Variants in LEMD2 observed in about 807,000 individuals in gnomAD.
LEMD2 encodes LEM domain-containing protein 2.
Under a neutral mutation model 58.8 loss-of-function variants are expected in LEMD2, and 34 were observed. The ratio of observed to expected loss-of-function variants is 0.58; its 90% confidence interval spans 0.44 to 0.77. The LOEUF (loss-of-function observed/expected upper bound fraction) is 0.77, where lower values mean the gene tolerates loss of function less well. LEMD2 is among the 30% of genes least tolerant of loss of function. The pLI, the probability that LEMD2 is intolerant of heterozygous loss-of-function variation, is 0.00. For missense variants in LEMD2, 629 were observed against 717.9 expected (o/e 0.88, Z 1.42); for synonymous variants, 298 against 308.9 (o/e 0.96, Z 0.37).
intron 8 of LEMD2, 80 bp downstream of exon 8, chr6:33,776,874 G>T: frequency 1.7e-6 from 2 of 1,150,696 alleles, no homozygotes; most frequent in Non-Finnish European, 2.6e-6. Flanking sequence ...CTGATGCAAG[G>T]CTCTGGGTTT....
intron 3 of LEMD2, among the ~76,000 whole-genome samples, chr6:33,782,888 T>C (rs759909713): frequency 6.6e-6 from 1 of 152,248 alleles, no homozygotes; most frequent in African/African-American, 2.4e-5. Flanking sequence ...CAATGAGATA[T>C]GTACCTTCAA....
chr6:33,784,477 G>GCCGCCCC, intron 2 of LEMD2, 50 bp from the exon 3 acceptor site: 1 of 430,810 alleles, frequency 2.3e-6, no homozygotes. Context: ...GGTGGGAGGG[G>GCCGCCCC]TCCGTCTGTC....
chr6:33,772,633 G>A lies in LEMD2; in HGVS notation c.1507C>T (p.Arg503Ter), dbSNP rs771774908. The change falls in exon 9 of 9, where the codon CGA becomes TGA. Residue 503 changes from arginine to a stop codon, truncating the protein, a stop_gained. Coordinates refer to ENST00000293760, the MANE Select transcript of LEMD2 (RefSeq NM_181336.4). LOFTEE classifies it high-confidence loss of function. Reference protein sequence around the residue: ...TKPSSFSDSER With the variant: ...TKPSSFSDSE ...AACAAGTCCCCGCCCGGGGCTTATC[G>A]CTCTGAGTCAGAGAAGGAAGAGGGC... 6.2e-6 allele frequency: 10 copies of A among 1,613,334 alleles called. No homozygotes were observed. The highest frequency in any genetic ancestry group is 5.5e-5 in the South Asian group (5 of 91,048).
At chr6:33,787,668 T>G (rs1767711711) in intron 1 of LEMD2, among the ~76,000 whole-genome samples, 1 of 152,196 alleles carries the variant, frequency 6.6e-6, no homozygotes, top group Non-Finnish European at 1.5e-5. Context: ...CCTCAGCTAT[T>G]CCGGATACAT....
chr6:33,779,435 T>C (rs1422169076), intron 5 of LEMD2: 1 of 152,150 alleles, frequency 6.6e-6, no homozygotes, highest in Non-Finnish European at 1.5e-5. Flanking sequence ...TCAAGAGCTA[T>C]AACCTGAACA....
At chr6:33,776,901 G>C (rs1276337441) in intron 8 of LEMD2, 53 bp downstream of exon 8, 11 of 1,427,066 alleles carry the variant, frequency 7.7e-6, no homozygotes, top group Admixed American at 1.7e-5. Flanking sequence ...GGGGAGCTCA[G>C]TGGGGTCGGA....
In LEMD2 at chr6:33,789,106, A is replaced by T; in HGVS notation, c.11T>A (p.Leu4Gln). 1 of 1,533,940 alleles carries T rather than the reference A, an allele frequency of 6.5e-7. No individual in the cohort carries two copies. The highest frequency in any genetic ancestry group is 8.7e-7 in the Non-Finnish European group (1 of 1,150,794). ...CTCCCGCCGCAGTTCCAGGTCCGACAGGCCGGCCATGGCCAGGACGCCGCC... is the reference window on the plus strand; with the variant it reads ...CTCCCGCCGCAGTTCCAGGTCCGACTGGCCGGCCATGGCCAGGACGCCGCC... MAG[L>Q]SDLELRRELQ... The change falls in exon 1 of 9, where the codon CTG (leucine) becomes CAG (glutamine). Residue 4 changes from leucine (L) to glutamine (Q), a missense_variant. This residue lies in a region of LEMD2 where 386 missense variants were observed against 381.1 expected (regional missense o/e 1.01). Coordinates refer to ENST00000293760, the MANE Select transcript of LEMD2 (RefSeq NM_181336.4).
Position 33,788,885 on chromosome 6 carries a change from G to C in LEMD2, c.232C>G (p.Pro78Ala). 1 of 1,379,230 alleles carries C rather than the reference G, an allele frequency of 7.3e-7. No homozygotes were observed. The highest frequency in any genetic ancestry group is 9.3e-7 in the Non-Finnish European group (1 of 1,075,204). The allele number at this position is 1,379,230 out of a possible 1,614,324, so 85.4% of individuals were successfully genotyped here. Residue 78 changes from proline (P) to alanine (A), a missense_variant, in exon 1 of 9, where the codon CCC becomes GCC. Physicochemically the swap from Pro to Ala is conservative, Grantham distance 27. Around this residue, in one of 2 missense-constraint regions of LEMD2, gnomAD observed 386 missense variants for 381.1 expected, o/e 1.01. Coordinates refer to ENST00000293760, the MANE Select transcript of LEMD2 (RefSeq NM_181336.4). ...LREDAPLRARPAAASPRAEPW... is the reference protein window; with the variant it reads ...LREDAPLRARAAAASPRAEPW... ...TCCGCCCGCGGAGAGGCCGCGGCGG[G>C]CCGGGCGCGCAGCGGCGCATCCTCG...
intron 5 of LEMD2, chr6:33,779,799 T>C: frequency 3.4e-6 from 1 of 293,620 alleles, no homozygotes; most frequent in Non-Finnish European, 6.3e-6. Flanking sequence ...AACCATGTGG[T>C]GTTGTTGATG....
At chr6:33,779,393 G>A (rs1013931028) in intron 5 of LEMD2, 2 of 152,090 alleles carry the variant, frequency 1.3e-5, no homozygotes, top group African/African-American at 4.8e-5. Context: ...GATTAGAGAG[G>A]AAAAGAACAA....
chr6:33,782,134 T>C (rs2127381401), intron 3 of LEMD2: 1 of 152,390 alleles, frequency 6.6e-6, no homozygotes, highest in South Asian at 2.1e-4. Context: ...CACAGGTGGC[T>C]TCTAGCATCC....
chr6:33,786,618 C>T lies in LEMD2; in HGVS notation c.777+116G>A, dbSNP rs567462537. 5.3e-6 allele frequency: 4 copies of T among 749,492 alleles called. No individual in the cohort carries two copies. In the South Asian group the frequency reaches 6.5e-5, roughly 12 times the overall value. 46.4% of individuals were successfully genotyped at this position (749,492 alleles called of 1,614,324 possible). A position where few individuals can be genotyped will look rare whatever the true frequency, so the allele number is the denominator to read the frequency against. On this transcript the variant is annotated intron_variant, in intron 2 of 8. Coordinates refer to ENST00000293760, the MANE Select transcript of LEMD2 (RefSeq NM_181336.4). ...CACAGAACACAATGTGACTCTGGTACATTACAGGAAGCACTCCCTGAAAAT... is the reference window on the plus strand; with the variant it reads ...CACAGAACACAATGTGACTCTGGTATATTACAGGAAGCACTCCCTGAAAAT...
chr6:33,773,593 G>GC (rs1297434105), intron 8 of LEMD2, among the ~76,000 whole-genome samples: 2 of 92,176 alleles, frequency 2.2e-5, no homozygotes, highest in African/African-American at 3.3e-5. Flanking sequence ...GAGTCAGGAG[G>GC]CGGGGGGGGG....
At chr6:33,773,922 G>C (rs1582250393) in intron 8 of LEMD2, among the ~76,000 whole-genome samples, 2 of 152,190 alleles carry the variant, frequency 1.3e-5, no homozygotes, top group South Asian at 4.1e-4. Context: ...TGGGAGGTAA[G>C]TCAAGAGAGC....
At chr6:33,773,046 T>C (rs1767340914) in intron 8 of LEMD2, among the ~76,000 whole-genome samples, 1 of 152,162 alleles carries the variant, frequency 6.6e-6, no homozygotes, top group Non-Finnish European at 1.5e-5. Flanking sequence ...GGTCTCCAGG[T>C]GTGCAGGGCT....
In LEMD2 at chr6:33,777,128, G is replaced by T. The variant is rs754551999; in HGVS notation, c.1258+10C>A. ...GTCGGCAACCCTTTATTCACCAGGG[G>T]GCCACGCACCTATAATCTTCTTCAC... On this transcript the variant is annotated intron_variant, in intron 7 of 8. Coordinates refer to ENST00000293760, the MANE Select transcript of LEMD2 (RefSeq NM_181336.4). 3 of 1,612,340 alleles carry T rather than the reference G, an allele frequency of 1.9e-6. No homozygotes were observed. Among genetic ancestry groups the T allele is most frequent in the Non-Finnish European group, 2.5e-6 (3 of 1,178,470 alleles).
intron 8 of LEMD2, chr6:33,776,569 G>A (rs1582253256): frequency 1.2e-5 from 3 of 240,094 alleles, no homozygotes; most frequent in Non-Finnish European, 1.7e-5. Flanking sequence ...CAATGGAACC[G>A]GAGACCTGAC....
intron 3 of LEMD2, 128 bp downstream of exon 3, chr6:33,784,224 A>G: frequency 1.3e-6 from 1 of 770,296 alleles, no homozygotes; most frequent in Non-Finnish European, 2.3e-6. Context: ...CGGCTTCTGA[A>G]TATGCCTTCT....
Position 33,778,480 on chromosome 6 carries a change from G to A in LEMD2, c.1011-93C>T. On this transcript the variant is annotated intron_variant, in intron 5 of 8. Coordinates refer to ENST00000293760, the MANE Select transcript of LEMD2 (RefSeq NM_181336.4). This position sits in a 1 kb window ranked among gnomAD's most constrained non-coding sequence, Gnocchi z 4.7. The stretch of plus-strand genomic sequence containing the variant: ...CAAACAGGAGGAAGCGAAGGAAAGT[G>A]GGGACGCAAGGCCTCTACTTGCTTA... 2 of 1,019,054 alleles carry A rather than the reference G, an allele frequency of 2.0e-6. No individual in the cohort carries two copies. Among genetic ancestry groups the A allele is most frequent in the Non-Finnish European group, 2.7e-6 (2 of 730,006 alleles). 63.1% of individuals were successfully genotyped at this position (1,019,054 alleles called of 1,614,324 possible).
Sources: gnomAD v4.1 joint callset for allele counts (sites outside exome capture counted in the v4.1 genomes callset) on GRCh38, gnomAD v4.1.1 for gene constraint, gnomAD v4.1.1 regional missense constraint, Gnocchi (gnomAD v3.1) non-coding constraint, MANE v1.5 for transcripts, NCBI Gene and HGNC (gene_info 2026-07-23, HGNC 2026-07-21) for gene names.